Variants in PGAP2 observed in about 807,000 individuals in gnomAD.
PGAP2 encodes acyltransferase PGAP2.
In PGAP2, 21 loss-of-function variants were observed where a neutral mutation model predicts 33.2. The observed-to-expected ratio is 0.63, with a 90% CI of 0.45 to 0.91. PGAP2 has a LOEUF of 0.91. Ranked by LOEUF, PGAP2 falls within the 40% of genes least tolerant of loss-of-function variation. The pLI is 0.00. For synonymous variants in PGAP2, 161 were observed against 172.9 expected (o/e 0.93, Z 0.54); for missense variants, 345 against 424.0 (o/e 0.81, Z 1.64).
rs1414816659 is a variant in PGAP2 at position 3,812,136 on chromosome 11, T to C, written c.165+712T>C. On this transcript the variant is annotated intron_variant, in intron 2 of 6. Transcript: ENST00000278243. ...TGGGGTGCGGGGCCAGGAAGAAAGA[T>C]GTAAGACCACTTTCTCTAGGATATC... Among the ~76,000 whole-genome samples the C allele has an allele frequency of 2.0e-5, 3 of 152,042 alleles. No individual in the cohort carries two copies. In the East Asian group the frequency reaches 5.8e-4, roughly 30 times the overall value.
chr11:3,811,302 G>C lies in PGAP2; in HGVS notation c.43G>C (p.Val15Leu). 1 of 1,614,074 alleles carries C rather than the reference G, an allele frequency of 6.2e-7. No individual in the cohort carries two copies. The highest frequency in any genetic ancestry group is 8.5e-7 in the Non-Finnish European group (1 of 1,179,970). The change falls in exon 2 of 7, where the codon GTA becomes CTA. Residue 15 changes from valine (V) to leucine (L), a missense_variant. This residue lies in a region of PGAP2 where 34 missense variants were observed against 70.3 expected (regional missense o/e 0.48). Transcript: ENST00000278243. The surrounding 1 kb of genome is among the most constrained non-coding windows in gnomAD (Gnocchi z 4.6). The stretch of plus-strand genomic sequence containing the variant: ...ACCACTGGATCGGGATGGGACCCTG[G>C]TACGGCTCCGCTTCACCATGGTGGC... ...PLPLDRDGTL[V>L]RLRFTMVALV...
chr11:3,817,508 T>C lies in PGAP2; in HGVS notation c.321T>C (p.Phe107=). The change falls in exon 3 of 7, where the codon TTT becomes TTC. Residue 107 remains phenylalanine (F), a synonymous_variant. Transcript: ENST00000278243. Reference sequence around the variant, plus strand: ...TCATCTGGTCCCTGGTGTTCCACTTTGAGTACACGGTGGCCACTGACTGTG... The same window carrying C: ...TCATCTGGTCCCTGGTGTTCCACTTCGAGTACACGGTGGCCACTGACTGTG... ...FCIIWSLVFH[F]EYTVATDCGV... 1 of 1,614,192 alleles carries C rather than the reference T, an allele frequency of 6.2e-7. No individual in the cohort carries two copies.
At chr11:3,816,597 T>C (rs986715365) in intron 2 of PGAP2, among the ~76,000 whole-genome samples, 1 of 151,980 alleles carries the variant, frequency 6.6e-6, no homozygotes, top group Admixed American at 6.5e-5. Flanking sequence ...AAACCTTGGA[T>C]TGGGTGACAT....
chr11:3,802,904 G>A (rs1221794648), intron 1 of PGAP2, among the ~76,000 whole-genome samples: 1 of 148,400 alleles, frequency 6.7e-6, no homozygotes, highest in African/African-American at 2.5e-5. Flanking sequence ...TCGGCTCACT[G>A]CAAGCTCCGC....
intron 3 of PGAP2, among the ~76,000 whole-genome samples, chr11:3,818,713 T>C (rs16929743): frequency 0.045 from 6,909 of 152,284 alleles, 545 homozygotes; most frequent in African/African-American, 0.16. Flanking sequence ...GGTTCTGTTG[T>C]GCTAGGGGCA....
chr11:3,806,037 A>G (rs142318439), upstream of PGAP2, among the ~76,000 whole-genome samples: 2 of 152,218 alleles, frequency 1.3e-5, no homozygotes, highest in Non-Finnish European at 2.9e-5. Context: ...GAGGAAACAG[A>G]GGCTCAGGGC....
intron 1 of PGAP2, chr11:3,798,048 T>A: frequency 6.6e-7 from 1 of 1,523,492 alleles, no homozygotes; most frequent in Non-Finnish European, 8.8e-7. Context: ...CTAGTCTCTC[T>A]GCCCGCACTT....
intron 4 of PGAP2, 63 bp downstream of exon 4, chr11:3,824,198 C>A: frequency 1.2e-6 from 2 of 1,611,518 alleles, no homozygotes; most frequent in Non-Finnish European, 1.7e-6. Context: ...CTGCCCCTAC[C>A]ACATTCGGAC....
intron 2 of PGAP2, among the ~76,000 whole-genome samples, chr11:3,813,410 G>T (rs2086030873): frequency 6.6e-6 from 1 of 151,660 alleles, no homozygotes; most frequent in African/African-American, 2.4e-5. Flanking sequence ...TGGAGATGGG[G>T]TCTCGCCATG....
chr11:3,823,988 G>A lies in PGAP2; in HGVS notation c.454G>A (p.Val152Met), dbSNP rs757619301. 14 of 1,613,420 alleles carry A rather than the reference G, an allele frequency of 8.7e-6. No homozygotes were observed. Among genetic ancestry groups the A allele is most frequent in the Non-Finnish European group, 1.2e-5 (14 of 1,180,024 alleles). ...IGLHSAPRFLVAFAYWNHYLS... is the reference protein window; with the variant it reads ...IGLHSAPRFLMAFAYWNHYLS... ...CCTGCACTCGGCGCCTCGCTTCTTG[G>A]TGGCCTTCGCCTACTGGAACCACTA... The change falls in exon 4 of 7, where the codon GTG (valine) becomes ATG (methionine). Residue 152 changes from valine to methionine, a missense_variant. Physicochemically the swap from Val to Met is conservative, Grantham distance 21. Transcript: ENST00000278243.
rs1316682518 is a variant in PGAP2, at chr11:3,823,054, T to TTTTG, written c.349-829_349-828insTTTG. The TTTTG allele has an allele frequency of 2.5e-5, 14 of 565,094 alleles. No homozygotes were observed. In the African/African-American group the frequency reaches 3.2e-4, roughly 13 times the overall value. 35.0% of individuals were successfully genotyped at this position (565,094 alleles called of 1,614,324 possible). Reference sequence around the variant, plus strand: ...TTTTTTTTTTTTTTTTTTTTTTTTTTGAGACAGAGTCTCACTCTGTTGCCC... The same window carrying TTTTG: ...TTTTTTTTTTTTTTTTTTTTTTTTTTTTTGGAGACAGAGTCTCACTCTGTTGCCC... On this transcript the variant is annotated intron_variant, in intron 3 of 6. Coordinates refer to ENST00000278243, the MANE Select transcript of PGAP2 (RefSeq NM_014489.4).
chr11:3,808,614 C>A lies in PGAP2; in HGVS notation c.-48C>A. The A allele has an allele frequency of 7.6e-7, 1 of 1,321,542 alleles. No individual in the cohort carries two copies. The highest frequency in any genetic ancestry group is 9.7e-7 in the Non-Finnish European group (1 of 1,034,550). The allele number at this position is 1,321,542 out of a possible 1,614,324, so 81.9% of individuals were successfully genotyped here. A position where few individuals can be genotyped will look rare whatever the true frequency, so the allele number is the denominator to read the frequency against. On this transcript the variant is annotated 5_prime_UTR_variant, in exon 1 of 7. Coordinates refer to ENST00000278243, the MANE Select transcript of PGAP2 (RefSeq NM_014489.4). The stretch of plus-strand genomic sequence containing the variant: ...GCCCCCGACCCCGGGCCACCTGGGC[C>A]CCCGGGTTCCGCCGGCACTCTCGCC...
At chr11:3,808,120 G>A (rs959788380), upstream of PGAP2, 2 of 1,458,378 alleles carry the variant, frequency 1.4e-6, no homozygotes, top group African/African-American at 1.4e-5. Context: ...GTCCCCAACC[G>A]CCCTGACGAG....
chr11:3,822,864 C>T, intron 3 of PGAP2: 1 of 1,077,796 alleles, frequency 9.3e-7, no homozygotes, highest in Non-Finnish European at 1.4e-6. Context: ...ACAAGCAAGA[C>T]ACCAGTCCCT....
intron 2 of PGAP2, among the ~76,000 whole-genome samples, chr11:3,814,997 G>C (rs1307638241): frequency 6.6e-6 from 1 of 150,384 alleles, no homozygotes; most frequent in African/African-American, 2.5e-5. Context: ...GAGTGCAGTG[G>C]CACAATCTTG....
chr11:3,804,614 T>C (rs191144131), upstream of PGAP2, among the ~76,000 whole-genome samples: 967 of 152,316 alleles, frequency 6.3e-3, 11 homozygotes, highest in Non-Finnish European at 9.4e-3. Flanking sequence ...GTCTAAATAC[T>C]GCCCATTCTT....
intron 5 of PGAP2, 97 bp downstream of exon 5, chr11:3,824,473 TTC>T: frequency 6.3e-7 from 1 of 1,591,966 alleles, no homozygotes; most frequent in Non-Finnish European, 8.6e-7. Flanking sequence ...GGGAACTGAG[TTC>T]TAATGGGAAC....
intron 2 of PGAP2, among the ~76,000 whole-genome samples, chr11:3,813,215 GT>G (rs1565005193): frequency 2.0e-5 from 3 of 152,108 alleles, no homozygotes; most frequent in Non-Finnish European, 2.9e-5. Flanking sequence ...AAGTATTTGG[GT>G]TTTTTTATTT....
At chr11:3,803,021 T>G (rs2083715448) in intron 1 of PGAP2, among the ~76,000 whole-genome samples, 2 of 139,178 alleles carry the variant, frequency 1.4e-5, no homozygotes, top group East Asian at 2.1e-4. Flanking sequence ...GGAGACAGAG[T>G]CTCACTCTGT....
Sources: allele counts gnomAD v4.1 joint callset (sites outside exome capture counted in the v4.1 genomes callset), GRCh38; gene constraint gnomAD v4.1.1; regional missense constraint gnomAD v4.1.1; non-coding constraint Gnocchi (gnomAD v3.1); transcripts MANE v1.5; gene names NCBI Gene and HGNC (gene_info 2026-07-23, HGNC 2026-07-21).